RSPO2: variants seen among roughly 807,000 people sequenced by gnomAD.
RSPO2 encodes the protein R-spondin 2.
In RSPO2, 14 loss-of-function variants were observed where a neutral mutation model predicts 30.9. The observed-to-expected ratio is 0.45, with a 90% CI of 0.30 to 0.71. The LOEUF (loss-of-function observed/expected upper bound fraction) is 0.71. RSPO2 is among the 30% of genes least tolerant of loss of function. RSPO2 has a pLI of 0.08. For synonymous variants in RSPO2, 107 were observed against 96.4 expected (o/e 1.11, Z -0.64); for missense variants, 264 against 301.9 (o/e 0.87, Z 0.93).
At chr8:108,002,735 A>G (rs879674467) in intron 2 of RSPO2, among the ~76,000 whole-genome samples, 2 of 152,230 alleles carry the variant, frequency 1.3e-5, no homozygotes, top group East Asian at 3.8e-4. Context: ...TAACCAGATC[A>G]AAGACTCCAT....
At chr8:107,910,597 G>A (rs1487594694) in intron 5 of RSPO2, among the ~76,000 whole-genome samples, 1 of 152,112 alleles carries the variant, frequency 6.6e-6, no homozygotes, top group Non-Finnish European at 1.5e-5. Flanking sequence ...GGTCTTACAT[G>A]AACACAGTTA....
At chr8:107,964,363 G>A (rs185851832) in intron 3 of RSPO2, among the ~76,000 whole-genome samples, 14 of 152,248 alleles carry the variant, frequency 9.2e-5, no homozygotes, top group East Asian at 1.9e-4. Flanking sequence ...CTGCCTCAGC[G>A]TCCCAGTAGC....
intron 2 of RSPO2, among the ~76,000 whole-genome samples, chr8:108,047,949 A>T (rs1811956391): frequency 6.6e-6 from 1 of 152,070 alleles, no homozygotes; most frequent in African/African-American, 2.4e-5. Context: ...GATTGACACA[A>T]ATAATTTTTC....
At chr8:107,954,215 C>A (rs1328182669) in intron 5 of RSPO2, among the ~76,000 whole-genome samples, 1 of 152,244 alleles carries the variant, frequency 6.6e-6, no homozygotes, top group South Asian at 2.1e-4. Context: ...TAGAAGACCA[C>A]AGCCACCTAC....
At chr8:108,036,811 A>G (rs1288234363) in intron 2 of RSPO2, among the ~76,000 whole-genome samples, 2 of 152,156 alleles carry the variant, frequency 1.3e-5, no homozygotes, top group Non-Finnish European at 2.9e-5. Flanking sequence ...TAATGCTTGC[A>G]ATATTTAAAA....
chr8:107,917,895 C>T (rs1240007363), intron 5 of RSPO2, among the ~76,000 whole-genome samples: 3 of 152,168 alleles, frequency 2.0e-5, no homozygotes, highest in African/African-American at 7.2e-5. Flanking sequence ...TTGTCCTCCA[C>T]AGACAATTGT....
At chr8:107,916,084 G>T (rs992884265) in intron 5 of RSPO2, among the ~76,000 whole-genome samples, 1 of 152,132 alleles carries the variant, frequency 6.6e-6, no homozygotes, top group Non-Finnish European at 1.5e-5. Context: ...TATATGTGAT[G>T]TTTATATATA....
intron 5 of RSPO2, among the ~76,000 whole-genome samples, chr8:107,938,864 T>G (rs1353773174): frequency 6.6e-6 from 1 of 152,140 alleles, no homozygotes; most frequent in Non-Finnish European, 1.5e-5. Context: ...GACATCAACC[T>G]TGGACTGCCT....
In RSPO2 at chr8:107,929,031, G is replaced by A. The variant is rs545325450; in HGVS notation, c.617-27841C>T. Among the ~76,000 whole-genome samples the A allele has an allele frequency of 4.6e-5, 7 of 152,210 alleles. No individual in the cohort carries two copies. The East Asian group carries it at 1.2e-3, about 25-fold the overall frequency. ...GCCAAATCACAAGAAAGGCTGGACC[G>A]CATGCCCTGACACTGTTGCAAGGCC... is the stretch of plus-strand genomic sequence containing the variant. On this transcript the variant is annotated intron_variant, in intron 5 of 5. Transcript: ENST00000276659.
At position 107,989,068 on chromosome 8, in the gene RSPO2, T is replaced by C. The variant is rs1441104270; in HGVS notation, c.271A>G (p.Asn91Asp). 1 of 1,607,702 alleles carries C rather than the reference T, an allele frequency of 6.2e-7. No homozygotes were observed. Among genetic ancestry groups the C allele is most frequent in the Admixed American group, 1.7e-5 (1 of 58,776 alleles). The change falls in exon 3 of 6, where the codon AAC becomes GAC. Residue 91 changes from asparagine (N) to aspartate (D), a missense_variant. Asn to Asp is a conservative substitution (Grantham distance 23, BLOSUM62 1). Coordinates refer to ENST00000276659, the MANE Select transcript of RSPO2 (RefSeq NM_178565.5). ...ACCAAATGCTCACTTGCACATCTGT[T>C]CATATCTGGGGCTCGGTGTCCATAG... The part of the protein sequence containing the change: ...GYYGHRAPDM[N>D]RCARCRIENC...
chr8:107,946,241 A>C (rs2453418), intron 5 of RSPO2, among the ~76,000 whole-genome samples: 65,141 of 151,982 alleles, frequency 0.43, 14,628 homozygotes, highest in East Asian at 0.67. Flanking sequence ...GCTGACACTG[A>C]AGTTCAGAGA....
rs1813281657 is a variant in RSPO2, at chr8:108,083,453, C to T, written c.-426G>A. 6.6e-6 allele frequency: 1 copy of T among 152,336 alleles called. No individual in the cohort carries two copies. Among genetic ancestry groups the T allele is most frequent in the Non-Finnish European group, 1.5e-5 (1 of 68,120 alleles). The allele number at this position is 152,336 out of a possible 1,614,324, so 9.4% of individuals were successfully genotyped here. A position where few individuals can be genotyped will look rare whatever the true frequency, so the allele number is the denominator to read the frequency against. On this transcript the variant is annotated 5_prime_UTR_variant, in exon 1 of 6. Transcript: ENST00000276659. ...TCCCCAGGCAAGGGGTGCGCCCGCT[C>T]ACACTCTCTGCCTCCCTAACCAATT...
chr8:107,954,613 A>AT (rs1269273208), intron 5 of RSPO2, among the ~76,000 whole-genome samples: 13 of 72,656 alleles, frequency 1.8e-4, no homozygotes, highest in South Asian at 5.4e-4. Flanking sequence ...TATTTTATTT[A>AT]TTTATTTATT....
chr8:107,951,354 G>A (rs1813240351), intron 5 of RSPO2, among the ~76,000 whole-genome samples: 1 of 152,006 alleles, frequency 6.6e-6, no homozygotes, highest in Non-Finnish European at 1.5e-5. Context: ...GCCCAACTGA[G>A]AATAAGTTGT....
Position 107,920,960 on chromosome 8 carries a change from A to T in RSPO2, c.617-19770T>A, listed in dbSNP as rs188487285. On this transcript the variant is annotated intron_variant, in intron 5 of 5. Coordinates refer to ENST00000276659, the MANE Select transcript of RSPO2 (RefSeq NM_178565.5). ...GGAATGCAATAGACAGCTGTTTTAA[A>T]CTTCTTCAAAAAGTGTGTACTTTTT... is the stretch of plus-strand genomic sequence containing the variant. Among the ~76,000 whole-genome samples the T allele has an allele frequency of 8.8e-3, 1,333 of 152,048 alleles. 10 individuals carry two copies. The highest frequency in any genetic ancestry group is 0.016 in the Non-Finnish European group (1,060 of 67,898).
chr8:107,996,833 A>T (rs976780558), intron 2 of RSPO2: 7 of 402,408 alleles, frequency 1.7e-5, no homozygotes, highest in African/African-American at 1.5e-4. Context: ...TTTTTAAAAA[A>T]GGTATTATTA....
chr8:107,937,773 A>G (rs35828905), intron 5 of RSPO2, among the ~76,000 whole-genome samples: 13,563 of 152,122 alleles, frequency 0.089, 784 homozygotes, highest in East Asian at 0.17. Flanking sequence ...TAAATTTGCA[A>G]TTCTACATTA....
intron 3 of RSPO2, among the ~76,000 whole-genome samples, chr8:107,976,816 A>G (rs1814231142): frequency 1.3e-5 from 2 of 152,306 alleles, no homozygotes; most frequent in South Asian, 2.1e-4. Context: ...CTTTTAAACT[A>G]TTGCACAAAA....
Position 108,083,522 on chromosome 8 carries a change from A to G in RSPO2, c.-495T>C, listed in dbSNP as rs1258213368. On this transcript the variant is annotated 5_prime_UTR_variant, in exon 1 of 6. Transcript: ENST00000276659. ...TCTCCACGGTCACTTCACAGCTAAG[A>G]TTTCTTTCTTTCCGAGCTGTAGAAG... 2 of 152,176 alleles carry G rather than the reference A, an allele frequency of 1.3e-5. No homozygotes were observed. Among genetic ancestry groups the G allele is most frequent in the Non-Finnish European group, 2.9e-5 (2 of 68,066 alleles). 9.4% of individuals were successfully genotyped at this position (152,176 alleles called of 1,614,324 possible).
Sources: allele counts gnomAD v4.1 joint callset (sites outside exome capture counted in the v4.1 genomes callset), GRCh38; gene constraint gnomAD v4.1.1; transcripts MANE v1.5; gene names NCBI Gene and HGNC (gene_info 2026-07-23, HGNC 2026-07-21).